ZNG1A: variants seen among roughly 807,000 people sequenced by gnomAD.
The protein encoded by ZNG1A is Zn regulated GTPase metalloprotein activator 1A.
chr9:157,686 A>T, the ZNG1A span, among the ~76,000 whole-genome samples: 1 of 134,696 alleles, frequency 7.4e-6, no homozygotes, highest in Non-Finnish European at 1.6e-5. Flanking sequence ...CCATCAAGTA[A>T]AATGACATAA....
the ZNG1A span, among the ~76,000 whole-genome samples, chr9:145,551 G>GAT: frequency 9.0e-6 from 1 of 110,670 alleles, no homozygotes; most frequent in Non-Finnish European, 1.8e-5. Context: ...ACTGTTGTGG[G>GAT]GTGGGGGGAG....
the ZNG1A span, among the ~76,000 whole-genome samples, chr9:169,717 G>C: frequency 6.7e-6 from 1 of 150,104 alleles, no homozygotes; most frequent in Non-Finnish European, 1.5e-5. Flanking sequence ...CCCTCTACCA[G>C]CAAAAAGACT....
chr9:143,176 A>C, the ZNG1A span, among the ~76,000 whole-genome samples: 21 of 149,290 alleles, frequency 1.4e-4, no homozygotes, highest in South Asian at 8.7e-4. Flanking sequence ...AAGAGGGAAT[A>C]CTCCCTAACT....
the ZNG1A span, chr9:153,977 A>C: frequency 1.3e-5 from 2 of 152,204 alleles, no homozygotes; most frequent in African/African-American, 4.8e-5. Flanking sequence ...AATTCAAAAC[A>C]AAGCCCCTGA....
the ZNG1A span, among the ~76,000 whole-genome samples, chr9:165,273 C>T: frequency 6.6e-6 from 1 of 151,584 alleles, no homozygotes; most frequent in Non-Finnish European, 1.5e-5. Context: ...TTTTTTCACT[C>T]AGTAAAATAT....
the ZNG1A span, among the ~76,000 whole-genome samples, chr9:144,399 A>G: frequency 6.6e-6 from 1 of 150,500 alleles, no homozygotes; most frequent in Admixed American, 6.6e-5. Context: ...CCGCATATCT[A>G]CAACTATCTG....
chr9:145,156 A>G, the ZNG1A span, among the ~76,000 whole-genome samples: 116 of 150,868 alleles, frequency 7.7e-4, no homozygotes, highest in Non-Finnish European at 1.5e-3. Flanking sequence ...TCAGGGATCT[A>G]GAACTAGAAA....
At chr9:168,097 G>T in the ZNG1A span, among the ~76,000 whole-genome samples, 6 of 103,436 alleles carry the variant, frequency 5.8e-5, no homozygotes, top group East Asian at 1.2e-3. Context: ...AGCAGAGGTT[G>T]GTTCACAAGA....
the ZNG1A span, among the ~76,000 whole-genome samples, chr9:135,945 T>A: frequency 5.2e-3 from 295 of 57,258 alleles, no homozygotes; most frequent in Non-Finnish European, 5.9e-3. Context: ...TCACATTAAA[T>A]AGCTACTTCA....
At chr9:174,045 G>T in the ZNG1A span, among the ~76,000 whole-genome samples, 1 of 151,660 alleles carries the variant, frequency 6.6e-6, no homozygotes, top group East Asian at 1.9e-4. Context: ...TACTCAGGCG[G>T]CTGAGGCAGG....
the ZNG1A span, among the ~76,000 whole-genome samples, chr9:157,527 C>T: frequency 7.5e-6 from 1 of 133,794 alleles, no homozygotes; most frequent in East Asian, 2.1e-4. Context: ...GAATTATATA[C>T]ATTTTTCTCA....
At chr9:130,440 A>C in the ZNG1A span, among the ~76,000 whole-genome samples, 1 of 129,758 alleles carries the variant, frequency 7.7e-6, no homozygotes, top group African/African-American at 3.0e-5. Flanking sequence ...TTAACTTAAT[A>C]AATTTTTTTG....
chr9:174,013 A>G, the ZNG1A span, among the ~76,000 whole-genome samples: 1 of 151,892 alleles, frequency 6.6e-6, no homozygotes, highest in South Asian at 2.1e-4. Context: ...CAGGTGTGGT[A>G]GCGGGTGCCT....
At chr9:161,674 C>T in the ZNG1A span, 51,968 of 1,183,426 alleles carry the variant, frequency 0.044, 1,441 homozygotes, top group African/African-American at 0.1. Context: ...TGAGAAACAT[C>T]ATTTTACTGT....
chr9:173,523 C>T, the ZNG1A span, among the ~76,000 whole-genome samples: 5 of 151,908 alleles, frequency 3.3e-5, no homozygotes, highest in Non-Finnish European at 7.3e-5. Flanking sequence ...ATCTAAATTA[C>T]AGTACACTAC....
chr9:138,394 TTC>T, the ZNG1A span, among the ~76,000 whole-genome samples: 1 of 114,594 alleles, frequency 8.7e-6, no homozygotes, highest in Non-Finnish European at 1.8e-5. Context: ...TTTTCTTTCT[TTC>T]TTTTTTTTTT....
At chr9:138,101 CT>C in the ZNG1A span, among the ~76,000 whole-genome samples, 1 of 151,834 alleles carries the variant, frequency 6.6e-6, no homozygotes, top group Non-Finnish European at 1.5e-5. Flanking sequence ...ACTTTCCTGT[CT>C]TCCTACTAAA....
the ZNG1A span, among the ~76,000 whole-genome samples, chr9:144,938 A>G: frequency 2.0e-5 from 3 of 151,718 alleles, no homozygotes; most frequent in African/African-American, 7.3e-5. Context: ...CAAAAGACAC[A>G]TGAAAAAATG....
the ZNG1A span, among the ~76,000 whole-genome samples, chr9:129,415 C>T: frequency 6.6e-6 from 1 of 150,494 alleles, no homozygotes; most frequent in Non-Finnish European, 1.5e-5. Flanking sequence ...CACTAACAAC[C>T]ACCTAAATGT....
Sources: gnomAD v4.1 joint callset for allele counts (sites outside exome capture counted in the v4.1 genomes callset) on GRCh38, gnomAD v4.1.1 for gene constraint, MANE v1.5 for transcripts, NCBI Gene and HGNC (gene_info 2026-07-23, HGNC 2026-07-21) for gene names.